Variants in NBN observed in about 807,000 individuals in gnomAD.
NBN encodes nibrin, also known as Nijmegen breakage syndrome 1 (nibrin).
In NBN, 88 loss-of-function variants were observed where a neutral mutation model predicts 90.8. That is an observed-to-expected ratio of 0.97 (90% CI 0.82 to 1.16). NBN has a LOEUF of 1.16. Ranked by LOEUF, NBN falls within the 50% of genes most tolerant of loss-of-function variation. NBN has a pLI of 0.00. For synonymous variants in NBN, 328 were observed against 295.1 expected (o/e 1.11, Z -1.14); for missense variants, 894 against 869.6 (o/e 1.03, Z -0.35).
chr8:89,938,466 A>G (rs1242135731), intron 14 of NBN, among the ~76,000 whole-genome samples: 1 of 151,486 alleles, frequency 6.6e-6, no homozygotes, highest in Admixed American at 6.6e-5. Flanking sequence ...CTCTCTCTAT[A>G]TGTGTGTGTG....
intron 5 of NBN, 62 bp downstream of exon 5, chr8:89,978,158 T>C (rs552661078): frequency 5.6e-4 from 779 of 1,388,344 alleles, no homozygotes; most frequent in Admixed American, 1.9e-3. Context: ...GGAATTAACT[T>C]AAATAAAAAT....
chr8:89,973,545 T>C (rs1250645960), intron 5 of NBN, among the ~76,000 whole-genome samples: 1 of 152,238 alleles, frequency 6.6e-6, no homozygotes. Context: ...CATACATAGA[T>C]AATTGATAAC....
intron 10 of NBN, among the ~76,000 whole-genome samples, chr8:89,953,962 T>C (rs1225448261): frequency 6.6e-6 from 1 of 152,054 alleles, no homozygotes; most frequent in Non-Finnish European, 1.5e-5. Context: ...GTTGATAAAT[T>C]ACAGGAAAAG....
rs1459013677 is a variant in NBN, at chr8:89,947,804, A to C, written c.1914+20T>G. 8.9e-6 allele frequency: 13 copies of C among 1,467,028 alleles called. No individual in the cohort carries two copies. The highest frequency in any genetic ancestry group is 1.2e-5 in the Non-Finnish European group (13 of 1,055,606). The allele number at this position is 1,467,028 out of a possible 1,614,324, so 90.9% of individuals were successfully genotyped here. A position where few individuals can be genotyped will look rare whatever the true frequency, so the allele number is the denominator to read the frequency against. On this transcript the variant is annotated intron_variant, in intron 12 of 15. Transcript: ENST00000265433. The stretch of plus-strand genomic sequence containing the variant: ...CCCCGTAAGCCAAATCTGTATAAAA[A>C]TTAATAAAACGTTTCTCACAGATAT...
intron 8 of NBN, among the ~76,000 whole-genome samples, chr8:89,962,656 G>C (rs540872599): frequency 2.2e-4 from 33 of 152,292 alleles, no homozygotes; most frequent in Non-Finnish European, 3.5e-4. Context: ...ACCAAAATAA[G>C]TGATTTGGTT....
intron 11 of NBN, among the ~76,000 whole-genome samples, chr8:89,948,482 T>TA (rs1810300274): frequency 6.6e-6 from 1 of 152,210 alleles, no homozygotes; most frequent in Non-Finnish European, 1.5e-5. Flanking sequence ...CTGCCTTGTA[T>TA]ATTAGTCACA....
intron 8 of NBN, among the ~76,000 whole-genome samples, chr8:89,962,786 C>G (rs1404462691): frequency 6.6e-6 from 1 of 152,162 alleles, no homozygotes; most frequent in East Asian, 1.9e-4. Context: ...AATAAACATT[C>G]TTATCCAAAT....
chr8:89,974,860 A>G (rs368989237), intron 5 of NBN, among the ~76,000 whole-genome samples: 12 of 152,320 alleles, frequency 7.9e-5, no homozygotes, highest in African/African-American at 2.9e-4. Flanking sequence ...CAAATTGTTT[A>G]TGAATGCAAG....
At chr8:89,946,444 AT>A in intron 12 of NBN, 149 bp from the exon 13 acceptor site, 1 of 700,018 alleles carries the variant, frequency 1.4e-6, no homozygotes, top group Non-Finnish European at 2.4e-6. Flanking sequence ...TGTATTTGGA[AT>A]CAAATTGTAG....
chr8:89,943,760 A>C (rs911441573), intron 13 of NBN, among the ~76,000 whole-genome samples: 4 of 152,104 alleles, frequency 2.6e-5, no homozygotes, highest in Admixed American at 2.0e-4. Context: ...ATTGATGAAA[A>C]TTTAAATCTT....
intron 11 of NBN, among the ~76,000 whole-genome samples, chr8:89,949,608 T>C (rs1441183152): frequency 6.6e-6 from 1 of 152,190 alleles, no homozygotes; most frequent in Non-Finnish European, 1.5e-5. Flanking sequence ...AGGAGGAATA[T>C]TAAGCTAATA....
At chr8:89,946,901 T>C (rs921658433) in intron 12 of NBN, among the ~76,000 whole-genome samples, 2 of 152,184 alleles carry the variant, frequency 1.3e-5, no homozygotes, top group African/African-American at 2.4e-5. Flanking sequence ...ATGAGATTCT[T>C]GGCTTCGTGT....
chr8:89,950,479 C>T (rs966439097), intron 11 of NBN, among the ~76,000 whole-genome samples: 1 of 151,758 alleles, frequency 6.6e-6, no homozygotes, highest in Non-Finnish European at 1.5e-5. Context: ...CTTTCAATCA[C>T]AGGTTGGTAA....
chr8:89,980,703 T>C, intron 4 of NBN, 31 bp downstream of exon 4: 1 of 1,576,630 alleles, frequency 6.3e-7, no homozygotes, highest in Non-Finnish European at 8.7e-7. Context: ...AATAACTTAT[T>C]TTTAACATAA....
Position 89,978,317 on chromosome 8 carries a change from A to G in NBN, c.487T>C (p.Cys163Arg). The change falls in exon 5 of 16, where the codon TGT becomes CGT. Residue 163 changes from cysteine (C) to arginine (R), a missense_variant. Coordinates refer to ENST00000265433, the MANE Select transcript of NBN (RefSeq NM_002485.5). ...ATTGGACGTCCACAAATGAGTGCAC[A>G]TATTGTCTACAATGAAGAAAACATG... Reference protein sequence around the residue: ...VSVKVTIKTICALICGRPIVK... With the variant: ...VSVKVTIKTIRALICGRPIVK... The G allele has an allele frequency of 6.3e-7, 1 of 1,585,862 alleles. No individual in the cohort carries two copies. Among genetic ancestry groups the G allele is most frequent in the South Asian group, 1.1e-5 (1 of 90,430 alleles).
chr8:89,978,402 A>C (rs1263445006), intron 4 of NBN, 79 bp from the exon 5 acceptor site: 10 of 1,192,214 alleles, frequency 8.4e-6, no homozygotes. Flanking sequence ...TATAAACTAC[A>C]AAGAGGCTGT....
At chr8:89,956,438 C>A (rs1457215539) in intron 9 of NBN, among the ~76,000 whole-genome samples, 1 of 151,842 alleles carries the variant, frequency 6.6e-6, no homozygotes, top group African/African-American at 2.4e-5. Flanking sequence ...AGTGCTAACC[C>A]CTTCCATTAA....
Position 89,943,247 on chromosome 8 carries a change from A to G in NBN, c.2184+6T>C, listed in dbSNP as rs1810029317. On this transcript the variant is annotated splice_donor_region_variant and intron_variant, in intron 14 of 15. Transcript: ENST00000265433. The stretch of plus-strand genomic sequence containing the variant: ...AGCAAGTTTCTGGGCCTCACTTCCT[A>G]CTAACCTCCATTTCCTGCCTTAGCC... The G allele has an allele frequency of 6.2e-7, 1 of 1,613,568 alleles. No homozygotes were observed. Among genetic ancestry groups the G allele is most frequent in the East Asian group, 2.2e-5 (1 of 44,800 alleles).
chr8:89,982,447 T>C, intron 2 of NBN: 1 of 472,226 alleles, frequency 2.1e-6, no homozygotes, highest in South Asian at 2.3e-5. Context: ...AAATGTTTAG[T>C]AAGCAAATAA....
Sources: allele counts gnomAD v4.1 joint callset (sites outside exome capture counted in the v4.1 genomes callset), GRCh38; gene constraint gnomAD v4.1.1; transcripts MANE v1.5; gene names NCBI Gene and HGNC (gene_info 2026-07-23, HGNC 2026-07-21).